STK3: variants seen among roughly 807,000 people sequenced by gnomAD.
The protein encoded by STK3 is serine/threonine-protein kinase 3.
A neutral mutation model predicts 58.0 loss-of-function variants in STK3; 41 were observed. The ratio of observed to expected loss-of-function variants is 0.71; its 90% CI spans 0.55 to 0.92. STK3 has a LOEUF of 0.92. STK3 is among the 40% of genes least tolerant of loss of function. The pLI, the probability that STK3 is intolerant of heterozygous loss-of-function variation, is 0.00. For missense variants in STK3, 479 were observed against 602.7 expected (o/e 0.79, Z 2.15); for synonymous variants, 170 against 191.0 (o/e 0.89, Z 0.91).
intron 4 of STK3, among the ~76,000 whole-genome samples, chr8:98,747,933 G>A (rs1383321130): frequency 3.3e-5 from 5 of 152,092 alleles, no homozygotes; most frequent in Non-Finnish European, 7.4e-5. Flanking sequence ...TCTTTCCTTT[G>A]ATAACTGACA....
At chr8:98,480,249 T>G (rs1005493556) in intron 10 of STK3, among the ~76,000 whole-genome samples, 8 of 151,740 alleles carry the variant, frequency 5.3e-5, no homozygotes, top group Non-Finnish European at 1.0e-4. Flanking sequence ...CAAAAATAAA[T>G]GCCTAGGTTG....
At chr8:98,655,517 G>C (rs1356185146) in intron 6 of STK3, among the ~76,000 whole-genome samples, 5 of 151,970 alleles carry the variant, frequency 3.3e-5, no homozygotes, top group Non-Finnish European at 7.4e-5. Flanking sequence ...CTTCTGCACA[G>C]CAAAAGAAAC....
intron 1 of STK3, among the ~76,000 whole-genome samples, chr8:98,791,445 T>C (rs755461823): frequency 3.3e-5 from 5 of 152,188 alleles, no homozygotes; most frequent in Admixed American, 6.5e-5. Flanking sequence ...ACCACCATCA[T>C]TCTTCACAGA....
At chr8:98,418,499 C>T (rs987299607) in intron 3 of STK3, among the ~76,000 whole-genome samples, 7 of 152,058 alleles carry the variant, frequency 4.6e-5, no homozygotes, top group African/African-American at 1.4e-4. Flanking sequence ...CGATGGGCAG[C>T]GGATGGGTAG....
intron 3 of STK3, among the ~76,000 whole-genome samples, chr8:98,852,024 A>T (rs536940113): frequency 7.9e-5 from 12 of 152,272 alleles, no homozygotes; most frequent in African/African-American, 2.6e-4. Context: ...AAAAAGAAAG[A>T]AGAAGGCAGA....
intron 7 of STK3, among the ~76,000 whole-genome samples, chr8:98,583,782 G>A (rs1477472422): frequency 6.6e-6 from 1 of 151,778 alleles, no homozygotes; most frequent in Non-Finnish European, 1.5e-5. Flanking sequence ...GTCTATATTA[G>A]TTTAAGAAGT....
At chr8:98,671,755 A>C (rs914513252) in intron 6 of STK3, among the ~76,000 whole-genome samples, 1 of 152,036 alleles carries the variant, frequency 6.6e-6, no homozygotes, top group African/African-American at 2.4e-5. Context: ...CTACTTTTTA[A>C]AAAATCTTTT....
chr8:98,366,289 T>C (rs1817563941), downstream of STK3, among the ~76,000 whole-genome samples: 1 of 152,240 alleles, frequency 6.6e-6, no homozygotes, highest in Admixed American at 6.5e-5. Context: ...CTGTGAATTG[T>C]TGGCTTATAG....
chr8:98,906,986 C>CAAAAAAAAAAAA (rs529714547), intron 1 of STK3, among the ~76,000 whole-genome samples: 1 of 119,848 alleles, frequency 8.3e-6, no homozygotes, highest in African/African-American at 3.9e-5. Flanking sequence ...CCATCTCTAC[C>CAAAAAAAAAAAA]AATAAAAAAA....
intron 6 of STK3, among the ~76,000 whole-genome samples, chr8:98,694,333 C>CT (rs1206292158): frequency 6.6e-6 from 1 of 151,546 alleles, no homozygotes; most frequent in African/African-American, 2.4e-5. Context: ...AGATAGAGAC[C>CT]TTTTTTTAGG....
At chr8:98,636,157 T>A (rs1175921648) in intron 6 of STK3, among the ~76,000 whole-genome samples, 1 of 152,076 alleles carries the variant, frequency 6.6e-6, no homozygotes, top group Non-Finnish European at 1.5e-5. Flanking sequence ...TCAATCCTCA[T>A]AACAACTCCT....
intron 3 of STK3, among the ~76,000 whole-genome samples, chr8:98,754,154 A>C (rs1830146845): frequency 6.6e-6 from 1 of 152,218 alleles, no homozygotes; most frequent in African/African-American, 2.4e-5. Context: ...AATTGAAAGT[A>C]TGTATTTGGA....
At chr8:98,613,566 T>C (rs968027033) in intron 6 of STK3, among the ~76,000 whole-genome samples, 2 of 151,890 alleles carry the variant, frequency 1.3e-5, no homozygotes, top group Non-Finnish European at 2.9e-5. Context: ...CCAAAAAGTT[T>C]TGCATAGAAA....
intron 1 of STK3, among the ~76,000 whole-genome samples, chr8:98,816,088 T>G (rs1162660777): frequency 2.0e-5 from 3 of 152,172 alleles, no homozygotes; most frequent in African/African-American, 7.2e-5. Flanking sequence ...CAAAGGAACA[T>G]GTTGAACTGA....
intron 8 of STK3, among the ~76,000 whole-genome samples, chr8:98,549,346 C>T (rs925441528): frequency 6.6e-6 from 1 of 152,134 alleles, no homozygotes; most frequent in South Asian, 2.1e-4. Context: ...TCTGCATCTC[C>T]CTAATGACTA....
At chr8:98,506,754 TCAACGAATG>T (rs1348649786) in intron 10 of STK3, among the ~76,000 whole-genome samples, 2 of 151,960 alleles carry the variant, frequency 1.3e-5, no homozygotes, top group Non-Finnish European at 2.9e-5. Flanking sequence ...AACCAAAGAC[TCAACGAATG>T]CAGCTCCAGA....
At chr8:98,463,163 T>C (rs987904824) in intron 10 of STK3, 1 of 152,214 alleles carries the variant, frequency 6.6e-6, no homozygotes, top group Admixed American at 6.5e-5. Flanking sequence ...GTTATCATTA[T>C]TTTTATTATG....
intron 6 of STK3, among the ~76,000 whole-genome samples, chr8:98,696,876 T>C (rs1824996192): frequency 3.3e-5 from 5 of 152,242 alleles, no homozygotes; most frequent in Admixed American, 3.3e-4. Context: ...CCTCATAAAA[T>C]GAGTTAGGGA....
At chr8:98,715,136 A>G (rs1398302491) in intron 4 of STK3, among the ~76,000 whole-genome samples, 3 of 151,936 alleles carry the variant, frequency 2.0e-5, no homozygotes, top group African/African-American at 7.3e-5. Context: ...TTAATTCAAG[A>G]TGGATTAAAG....
Sources: allele counts gnomAD v4.1 joint callset (sites outside exome capture counted in the v4.1 genomes callset), GRCh38; gene constraint gnomAD v4.1.1; transcripts MANE v1.5; gene names NCBI Gene and HGNC (gene_info 2026-07-23, HGNC 2026-07-21).